HYCC2: variants seen among roughly 807,000 people sequenced by gnomAD.
The protein encoded by HYCC2 is hyccin 2.
At chr2:201,033,268 C>A in the HYCC2 span, among the ~76,000 whole-genome samples, 1 of 151,402 alleles carries the variant, frequency 6.6e-6, no homozygotes. Context: ...ACAATCAGGG[C>A]TCACTGCAGC....
the HYCC2 span, among the ~76,000 whole-genome samples, chr2:201,069,017 A>G: frequency 1.4e-4 from 21 of 151,628 alleles, no homozygotes; most frequent in African/African-American, 5.1e-4. Context: ...CTCTAAGGGG[A>G]AAAAAAAAGA....
the HYCC2 span, among the ~76,000 whole-genome samples, chr2:201,039,068 A>G: frequency 3.3e-5 from 5 of 152,178 alleles, no homozygotes; most frequent in Non-Finnish European, 7.4e-5. Flanking sequence ...CCAGCTCTGT[A>G]TATGGCTGGA....
the HYCC2 span, among the ~76,000 whole-genome samples, chr2:201,026,182 G>T: frequency 1.8e-4 from 27 of 152,240 alleles, no homozygotes; most frequent in Admixed American, 3.3e-4. Flanking sequence ...TGATAAAACA[G>T]ACTTTAAACC....
the HYCC2 span, among the ~76,000 whole-genome samples, chr2:201,028,640 A>C: frequency 6.6e-6 from 1 of 152,220 alleles, no homozygotes; most frequent in Non-Finnish European, 1.5e-5. Flanking sequence ...AACAGAACAG[A>C]GCCCTCAGAA....
chr2:201,008,170 A>G, the HYCC2 span, among the ~76,000 whole-genome samples: 1 of 152,190 alleles, frequency 6.6e-6, no homozygotes, highest in African/African-American at 2.4e-5. Flanking sequence ...CAATTTTGCA[A>G]CCTGTCCCTC....
chr2:200,981,225 G>A, the HYCC2 span: 2 of 1,582,492 alleles, frequency 1.3e-6, no homozygotes, highest in East Asian at 2.2e-5. The surrounding 1 kb of genome is among the most constrained non-coding windows in gnomAD (Gnocchi z 4.5). Context: ...ACAATGAAAT[G>A]TTCAGTTTAA....
At chr2:200,981,367 T>C in the HYCC2 span, 1 of 1,614,078 alleles carries the variant, frequency 6.2e-7, no homozygotes, top group Non-Finnish European at 8.5e-7. The surrounding 1 kb of genome is among the most constrained non-coding windows in gnomAD (Gnocchi z 4.5). Flanking sequence ...TTCGCCAGCT[T>C]GACCTAGCCG....
At chr2:201,032,603 C>T in the HYCC2 span, among the ~76,000 whole-genome samples, 4 of 152,244 alleles carry the variant, frequency 2.6e-5, no homozygotes, top group Admixed American at 2.6e-4. Context: ...TATTTTGATG[C>T]AATTACGATT....
At chr2:201,049,293 A>G in the HYCC2 span, among the ~76,000 whole-genome samples, 1 of 152,172 alleles carries the variant, frequency 6.6e-6, no homozygotes, top group South Asian at 2.1e-4. Flanking sequence ...CAACCAACCA[A>G]AATGACTAAT....
At chr2:201,065,520 C>T in the HYCC2 span, among the ~76,000 whole-genome samples, 54 of 152,350 alleles carry the variant, frequency 3.5e-4, no homozygotes, top group African/African-American at 1.1e-3. Context: ...ATGTAAATAG[C>T]GGAGCTAGGA....
the HYCC2 span, among the ~76,000 whole-genome samples, chr2:201,065,069 A>G: frequency 6.6e-6 from 1 of 152,224 alleles, no homozygotes; most frequent in Non-Finnish European, 1.5e-5. Flanking sequence ...TACCATCACA[A>G]TCAAGATACA....
chr2:201,023,713 G>A, the HYCC2 span: 8,935 of 289,684 alleles, frequency 0.031, 197 homozygotes, highest in Middle Eastern at 0.056. Context: ...TTAAAATATC[G>A]TCTCATCAAT....
At chr2:200,997,833 C>G in the HYCC2 span, among the ~76,000 whole-genome samples, 2 of 152,090 alleles carry the variant, frequency 1.3e-5, no homozygotes, top group Non-Finnish European at 2.9e-5. Context: ...GTCAGAAGAT[C>G]GAGACCATCC....
chr2:201,058,008 C>T, the HYCC2 span, among the ~76,000 whole-genome samples: 4,748 of 152,256 alleles, frequency 0.031, 229 homozygotes, highest in African/African-American at 0.11. Flanking sequence ...GACTTCCCCT[C>T]ACCAATGCTG....
the HYCC2 span, among the ~76,000 whole-genome samples, chr2:200,999,656 C>T: frequency 3.1e-4 from 47 of 150,528 alleles, no homozygotes; most frequent in Non-Finnish European, 6.4e-4. Context: ...TCCCAAAGTG[C>T]TGGGATTACA....
At chr2:201,034,285 T>C in the HYCC2 span, among the ~76,000 whole-genome samples, 1 of 152,190 alleles carries the variant, frequency 6.6e-6, no homozygotes, top group Non-Finnish European at 1.5e-5. Context: ...TAAATCTGGG[T>C]GCTTCTGTTT....
the HYCC2 span, among the ~76,000 whole-genome samples, chr2:200,998,987 G>A: frequency 5.9e-5 from 9 of 152,128 alleles, no homozygotes; most frequent in Non-Finnish European, 1.3e-4. Context: ...TCTCTGAAAG[G>A]ATAAAAACTA....
the HYCC2 span, among the ~76,000 whole-genome samples, chr2:201,021,147 G>C: frequency 6.6e-6 from 1 of 152,092 alleles, no homozygotes; most frequent in African/African-American, 2.4e-5. Flanking sequence ...TAGTATGTTT[G>C]TTTCTTTCAG....
At chr2:201,049,226 C>T in the HYCC2 span, among the ~76,000 whole-genome samples, 1 of 152,060 alleles carries the variant, frequency 6.6e-6, no homozygotes, top group South Asian at 2.1e-4. Flanking sequence ...ACATCTCTCT[C>T]AGCAAATTGA....
Sources: allele counts gnomAD v4.1 joint callset (sites outside exome capture counted in the v4.1 genomes callset), GRCh38; gene constraint gnomAD v4.1.1; non-coding constraint Gnocchi (gnomAD v3.1); transcripts MANE v1.5; gene names NCBI Gene and HGNC (gene_info 2026-07-23, HGNC 2026-07-21).